The following SOS1 variants were observed in gnomAD, a reference collection of about 807,000 sequenced individuals.
SOS1 encodes SOS Ras/Rac guanine nucleotide exchange factor 1.
A neutral mutation model predicts 157.6 loss-of-function variants in SOS1; 25 were observed. The observed-to-expected ratio is 0.16, with a 90% CI of 0.12 to 0.22. The LOEUF (loss-of-function observed/expected upper bound fraction) is 0.22, where lower values mean the gene tolerates loss of function less well. Ranked by LOEUF, SOS1 falls within the 10% of genes least tolerant of loss-of-function variation. The pLI is 1.00. For missense variants in SOS1, 1,237 were observed against 1,599.1 expected (o/e 0.77, Z 3.86); for synonymous variants, 528 against 534.0 (o/e 0.99, Z 0.16).
intron 2 of SOS1, among the ~76,000 whole-genome samples, chr2:39,061,071 G>A (rs1426101999): frequency 6.6e-6 from 1 of 151,992 alleles, no homozygotes; most frequent in Non-Finnish European, 1.5e-5. Context: ...TTATTGTTTT[G>A]AGGAAGGAAA....
Position 39,024,055 on chromosome 2 carries a change from C to G in SOS1, c.1157G>C (p.Gly386Ala). The part of the protein sequence containing the change: ...AITALLNVQS[G>A]MEKICSKSLA... ...ACTTTTAGAACATATTTTTTCCATA[C>G]CACTCTGAACATTAAGCAAAGCTGT... Residue 386 changes from glycine (G) to alanine (A), a missense_variant, in exon 9 of 23, where the codon GGT becomes GCT. Transcript: ENST00000402219. The G allele has an allele frequency of 6.2e-7, 1 of 1,600,758 alleles. No individual in the cohort carries two copies. The highest frequency in any genetic ancestry group is 8.6e-7 in the Non-Finnish European group (1 of 1,168,040).
intron 11 of SOS1, among the ~76,000 whole-genome samples, chr2:39,014,287 T>C (rs568880756): frequency 3.3e-5 from 5 of 152,244 alleles, no homozygotes; most frequent in Admixed American, 1.3e-4. Flanking sequence ...GGGACTGATA[T>C]TCATTTTTGG....
Position 38,985,696 on chromosome 2 carries a change from G to T in SOS1, c.*128C>A. 1.9e-6 allele frequency: 2 copies of T among 1,046,184 alleles called. No individual in the cohort carries two copies. The highest frequency in any genetic ancestry group is 3.0e-6 in the Non-Finnish European group (2 of 667,670). The allele number at this position is 1,046,184 out of a possible 1,614,324, so 64.8% of individuals were successfully genotyped here. On this transcript the variant is annotated 3_prime_UTR_variant, in exon 23 of 23. Coordinates refer to ENST00000402219, the MANE Select transcript of SOS1 (RefSeq NM_005633.4). ...AGGTTAAAATTCATTGTCTTATACTGCATCTTGAAGAAGAGTCGTTAGTGT... is the reference window on the plus strand; with the variant it reads ...AGGTTAAAATTCATTGTCTTATACTTCATCTTGAAGAAGAGTCGTTAGTGT...
intron 17 of SOS1, among the ~76,000 whole-genome samples, chr2:38,999,713 T>TAAGA (rs1669028388): frequency 6.6e-6 from 1 of 152,220 alleles, no homozygotes; most frequent in African/African-American, 2.4e-5. Flanking sequence ...AACACGTCCA[T>TAAGA]AAGAGTATGC....
At chr2:39,100,941 A>G (rs1672944224) in intron 1 of SOS1, among the ~76,000 whole-genome samples, 1 of 152,208 alleles carries the variant, frequency 6.6e-6, no homozygotes. Flanking sequence ...AAATACAGCA[A>G]GGAGACATGG....
chr2:39,057,441 A>G (rs12712630), intron 3 of SOS1, among the ~76,000 whole-genome samples: 140,906 of 152,116 alleles, frequency 0.93, 65,376 homozygotes, highest in African/African-American at 0.98. Context: ...ATTAAACTTC[A>G]AAGAGAATAT....
intron 1 of SOS1, among the ~76,000 whole-genome samples, chr2:39,095,169 G>A (rs1672728056): frequency 6.6e-6 from 1 of 152,166 alleles, no homozygotes; most frequent in East Asian, 1.9e-4. Context: ...GTTTCAGAAA[G>A]ATTCTGGCAT....
intron 1 of SOS1, among the ~76,000 whole-genome samples, chr2:39,116,402 T>A (rs866971755): frequency 3.9e-5 from 6 of 152,354 alleles, no homozygotes; most frequent in Admixed American, 6.5e-5. Flanking sequence ...ACATCCATAT[T>A]TCCATCCTTG....
intron 3 of SOS1, among the ~76,000 whole-genome samples, chr2:39,057,728 A>G (rs1671260231): frequency 6.6e-6 from 1 of 152,124 alleles, no homozygotes; most frequent in Non-Finnish European, 1.5e-5. Context: ...CCCTTAGAAT[A>G]CAATTCAACA....
intron 21 of SOS1, 141 bp downstream of exon 21, chr2:38,989,129 G>T: frequency 3.1e-6 from 2 of 646,794 alleles, no homozygotes; most frequent in South Asian, 3.7e-5. Context: ...GATAGCACAA[G>T]TGAAGGCCTC....
rs1673828630 is a variant in SOS1 at position 39,120,428 on chromosome 2, C to T, written c.-6G>A. 3 of 1,581,334 alleles carry T rather than the reference C, an allele frequency of 1.9e-6. No individual in the cohort carries two copies. The highest frequency in any genetic ancestry group is 1.7e-5 in the Admixed American group (1 of 57,698). Reference sequence around the variant, plus strand: ...GGCAGCTGCTGCGCCTGCATGGTGCCCCCGGGGCGCCTCTGGGCGGGGAGA... The same window carrying T: ...GGCAGCTGCTGCGCCTGCATGGTGCTCCCGGGGCGCCTCTGGGCGGGGAGA... On this transcript the variant is annotated 5_prime_UTR_variant, in exon 1 of 23. Transcript: ENST00000402219.
At position 38,996,110 on chromosome 2, in the gene SOS1, G is replaced by A. The variant is rs940967739; in HGVS notation, c.3082-723C>T. On this transcript the variant is annotated intron_variant, in intron 19 of 22. Transcript: ENST00000402219. ...TCTTGACTTTTTTTTTTTGAGACGA[G>A]TCTTGCTCTGTCTCCCAGGCTGGAG... Among the ~76,000 whole-genome samples the A allele has an allele frequency of 2.6e-5, 4 of 151,554 alleles. No individual in the cohort carries two copies. The South Asian group carries it at 6.3e-4, about 24-fold the overall frequency.
chr2:39,058,535 T>C, intron 3 of SOS1, 138 bp downstream of exon 3: 1 of 871,106 alleles, frequency 1.1e-6, no homozygotes, highest in Non-Finnish European at 1.8e-6. Context: ...TCTCACCACA[T>C]AAATCTCTGG....
At chr2:39,105,585 C>T (rs1445162989) in intron 1 of SOS1, among the ~76,000 whole-genome samples, 2 of 152,052 alleles carry the variant, frequency 1.3e-5, no homozygotes, top group Non-Finnish European at 2.9e-5. Context: ...AAATAGTGCT[C>T]AACTAATTTG....
chr2:39,006,266 A>C lies in SOS1; in HGVS notation c.2791+146T>G, dbSNP rs1478327151. 4 of 657,024 alleles carry C rather than the reference A, an allele frequency of 6.1e-6. No homozygotes were observed. The Admixed American group carries it at 1.0e-4, about 17-fold the overall frequency. The allele number at this position is 657,024 out of a possible 1,614,324, so 40.7% of individuals were successfully genotyped here. ...ACTTCACCTTAAGTCTTAATGAGAA[A>C]AATTCTAAAGGGCTTCAGGTGCTAA... On this transcript the variant is annotated intron_variant, in intron 17 of 22. Coordinates refer to ENST00000402219, the MANE Select transcript of SOS1 (RefSeq NM_005633.4).
At chr2:39,037,084 C>T (rs546031206) in intron 6 of SOS1, among the ~76,000 whole-genome samples, 115 of 152,334 alleles carry the variant, frequency 7.5e-4, no homozygotes, top group Non-Finnish European at 1.4e-3. Flanking sequence ...CCAAGTCATA[C>T]TGGATTCCTT....
At chr2:39,074,945 G>A (rs1486047543) in intron 1 of SOS1, among the ~76,000 whole-genome samples, 1 of 152,062 alleles carries the variant, frequency 6.6e-6, no homozygotes, top group Non-Finnish European at 1.5e-5. Flanking sequence ...TTGGACCATG[G>A]ACCAAAAAGT....
intron 15 of SOS1, 148 bp downstream of exon 15, chr2:39,010,436 T>G (rs1572819622): frequency 1.4e-6 from 1 of 690,952 alleles, no homozygotes; most frequent in Non-Finnish European, 2.6e-6. Context: ...GCCTGGGAGG[T>G]GGAGGTTTCA....
intron 1 of SOS1, among the ~76,000 whole-genome samples, chr2:39,116,903 A>C (rs1300523607): frequency 6.6e-6 from 1 of 152,188 alleles, no homozygotes; most frequent in East Asian, 1.9e-4. Context: ...CTAATTACCC[A>C]AGAAAAAATT....
Sources: allele counts gnomAD v4.1 joint callset (sites outside exome capture counted in the v4.1 genomes callset), GRCh38; gene constraint gnomAD v4.1.1; transcripts MANE v1.5; gene names NCBI Gene and HGNC (gene_info 2026-07-23, HGNC 2026-07-21).